The following CREB5 variants were observed in gnomAD, a reference collection of about 807,000 sequenced individuals.
CREB5 encodes cAMP responsive element binding protein 5, also known as cyclic AMP-responsive element-binding protein 5.
CREB5 carries 19 observed loss-of-function variants against 57.1 expected under a neutral mutation model. That is an observed-to-expected ratio of 0.33 (90% CI 0.23 to 0.49). CREB5 has a LOEUF of 0.49. Among genes scored for constraint, CREB5 ranks in the 20% least tolerant of loss-of-function variants. CREB5 has a pLI of 0.99. For missense variants in CREB5, 579 were observed against 671.6 expected (o/e 0.86, Z 1.52); for synonymous variants, 238 against 238.3 (o/e 1.00, Z 0.01).
At chr7:28,341,968 A>G (rs2127988969) in intron 1 of CREB5, among the ~76,000 whole-genome samples, 1 of 152,316 alleles carries the variant, frequency 6.6e-6, no homozygotes, top group Middle Eastern at 3.4e-3. Flanking sequence ...AGGGAAGGGA[A>G]GGAAAAGGCC....
intron 1 of CREB5, among the ~76,000 whole-genome samples, chr7:28,430,319 G>C (rs537239578): frequency 6.6e-6 from 1 of 152,180 alleles, no homozygotes; most frequent in Non-Finnish European, 1.5e-5. Context: ...AGTGCTAAGC[G>C]TGGAGCCAGG....
At chr7:28,509,855 A>G (rs216702) in intron 4 of CREB5, among the ~76,000 whole-genome samples, 109,050 of 152,048 alleles carry the variant, frequency 0.72, 39,557 homozygotes, top group African/African-American at 0.77. Context: ...TAGGGCCAGC[A>G]TCTCAGGACA....
chr7:28,531,092 T>C (rs1793709061), intron 4 of CREB5, among the ~76,000 whole-genome samples: 1 of 152,102 alleles, frequency 6.6e-6, no homozygotes, highest in South Asian at 2.1e-4. Context: ...AATATAATGT[T>C]TTGGGGAAAG....
At chr7:28,634,620 C>G (rs1798338423) in intron 5 of CREB5, among the ~76,000 whole-genome samples, 1 of 152,034 alleles carries the variant, frequency 6.6e-6, no homozygotes. Context: ...AAATTGTAAT[C>G]CCAGAAACAT....
chr7:28,355,753 C>T (rs187349812), intron 1 of CREB5, among the ~76,000 whole-genome samples: 159 of 152,290 alleles, frequency 1.0e-3, no homozygotes, highest in African/African-American at 3.7e-3. Flanking sequence ...CTACCTGCCG[C>T]ATTTTTATGA....
intron 1 of CREB5, among the ~76,000 whole-genome samples, chr7:28,311,097 A>C (rs1178722617): frequency 8.7e-5 from 12 of 138,688 alleles, no homozygotes; most frequent in Non-Finnish European, 1.5e-5. Flanking sequence ...GATCAAGACT[A>C]TCCTGGCTAG....
chr7:28,344,630 G>A (rs1786003438), intron 1 of CREB5, among the ~76,000 whole-genome samples: 1 of 151,938 alleles, frequency 6.6e-6, no homozygotes, highest in Non-Finnish European at 1.5e-5. Context: ...CAGAAAACAA[G>A]TAACAAAATG....
upstream of CREB5, chr7:28,409,728 C>A (rs572444426): frequency 7.0e-5 from 24 of 342,964 alleles, no homozygotes; most frequent in Admixed American, 7.6e-4. The surrounding 1 kb of genome is among the most constrained non-coding windows in gnomAD (Gnocchi z 4.4). Context: ...CTAGAGACCC[C>A]GCGCCGCGTG....
chr7:28,441,475 C>T (rs867363158), intron 1 of CREB5, among the ~76,000 whole-genome samples: 1 of 152,124 alleles, frequency 6.6e-6, no homozygotes, highest in Non-Finnish European at 1.5e-5. Flanking sequence ...TAAAGTCGGG[C>T]TAATATTTAT....
At chr7:28,622,189 G>A (rs1427945728) in intron 5 of CREB5, among the ~76,000 whole-genome samples, 1 of 151,950 alleles carries the variant, frequency 6.6e-6, no homozygotes, top group Non-Finnish European at 1.5e-5. Context: ...ACTTGGTGAG[G>A]AGGGTGGCAC....
chr7:28,758,027 G>A (rs533982419), intron 7 of CREB5, among the ~76,000 whole-genome samples: 4 of 152,214 alleles, frequency 2.6e-5, no homozygotes, highest in Non-Finnish European at 5.9e-5. Context: ...TTTTGTAGCA[G>A]TAGTGTGGGC....
At chr7:28,433,097 AT>A (rs573463973) in intron 1 of CREB5, among the ~76,000 whole-genome samples, 22 of 152,192 alleles carry the variant, frequency 1.4e-4, no homozygotes, top group African/African-American at 4.8e-4. Flanking sequence ...ATCTATTTTG[AT>A]TTTTTTCCTG....
At chr7:28,373,818 A>C (rs935524620) in intron 1 of CREB5, among the ~76,000 whole-genome samples, 1 of 152,076 alleles carries the variant, frequency 6.6e-6, no homozygotes, top group African/African-American at 2.4e-5. Context: ...TTCAGGAAAA[A>C]TGAAAGCACT....
chr7:28,572,821 G>T (rs1795755390), intron 5 of CREB5, among the ~76,000 whole-genome samples: 3 of 152,182 alleles, frequency 2.0e-5, no homozygotes, highest in Admixed American at 6.5e-5. Flanking sequence ...GGAGGCGGGT[G>T]TTTCTGTGGT....
At chr7:28,611,718 T>TAA (rs1473832371) in intron 5 of CREB5, among the ~76,000 whole-genome samples, 1 of 139,014 alleles carries the variant, frequency 7.2e-6, no homozygotes, top group African/African-American at 2.8e-5. Context: ...ATAAATAAAA[T>TAA]ATATATGTGC....
At chr7:28,792,565 C>G (rs144042527) in intron 7 of CREB5, among the ~76,000 whole-genome samples, 3 of 152,130 alleles carry the variant, frequency 2.0e-5, no homozygotes, top group Non-Finnish European at 2.9e-5. Context: ...TCTTCTTAAG[C>G]GTAACTTTCT....
chr7:28,560,855 T>TGCGTGTGTGTGCGTGCGCGTGTGC (rs1554344299), intron 4 of CREB5, among the ~76,000 whole-genome samples: 1 of 56,388 alleles, frequency 1.8e-5, no homozygotes, highest in African/African-American at 7.1e-5. Context: ...CGCGTGTGTG[T>TGCGTGTGTGTGCGTGCGCGTGTGC]GTGCGTGTGC....
At chr7:28,387,705 G>A (rs1485313451) in intron 1 of CREB5, among the ~76,000 whole-genome samples, 4 of 152,016 alleles carry the variant, frequency 2.6e-5, no homozygotes, top group African/African-American at 9.7e-5. Flanking sequence ...CTAGGTCATG[G>A]AATGATCTGT....
At chr7:28,477,951 CAA>C in intron 1 of CREB5, among the ~76,000 whole-genome samples, 1 of 152,168 alleles carries the variant, frequency 6.6e-6, no homozygotes, top group African/African-American at 2.4e-5. Flanking sequence ...CCTATCTCTA[CAA>C]AAAGTAAAAA....
Sources: gnomAD v4.1 joint callset for allele counts (sites outside exome capture counted in the v4.1 genomes callset) on GRCh38, gnomAD v4.1.1 for gene constraint, Gnocchi (gnomAD v3.1) non-coding constraint, MANE v1.5 for transcripts, NCBI Gene and HGNC (gene_info 2026-07-23, HGNC 2026-07-21) for gene names.